The following RPTOR variants were observed in gnomAD, a reference collection of about 807,000 sequenced individuals.
RPTOR encodes the protein regulatory associated protein of MTOR complex 1.
Under a neutral mutation model 169.9 loss-of-function variants are expected in RPTOR, and 21 were observed. The observed-to-expected ratio is 0.12, with a 90% confidence interval of 0.09 to 0.18. The LOEUF (loss-of-function observed/expected upper bound fraction) is 0.18, where lower values mean the gene tolerates loss of function less well. Among genes scored for constraint, RPTOR ranks in the 10% least tolerant of loss-of-function variants. RPTOR has a pLI of 1.00. For synonymous variants in RPTOR, 732 were observed against 753.2 expected, an observed-to-expected ratio of 0.97 and a Z score of 0.46; for missense variants, 1,133 against 1,855.9, an observed-to-expected ratio of 0.61 and a Z score of 7.16.
intron 17 of RPTOR, among the ~76,000 whole-genome samples, chr17:80,888,058 A>T (rs1567968890): frequency 6.6e-6 from 1 of 151,776 alleles, no homozygotes; most frequent in Non-Finnish European, 1.5e-5. Context: ...ATGGGGGCTT[A>T]CTCCCTCCCT....
intron 3 of RPTOR, among the ~76,000 whole-genome samples, chr17:80,665,401 TCC>T (rs1567846095): frequency 0.094 from 769 of 8,168 alleles, 46 homozygotes; most frequent in African/African-American, 0.19. Flanking sequence ...TCCTTTCCTT[TCC>T]TTTCCTTTCC....
intron 2 of RPTOR, among the ~76,000 whole-genome samples, chr17:80,627,931 C>T (rs921335579): frequency 5.9e-5 from 9 of 151,874 alleles, no homozygotes; most frequent in Admixed American, 1.3e-4. Context: ...CTCTGCCTCC[C>T]GGGTTCAAGC....
Position 80,803,519 on chromosome 17 carries a change from G to A in RPTOR, c.890+12010G>A, listed in dbSNP as rs891340278. On this transcript the variant is annotated intron_variant, in intron 7 of 33. Transcript: ENST00000306801. The surrounding 1 kb of genome is among the most constrained non-coding windows in gnomAD (Gnocchi z 6.2). The stretch of plus-strand genomic sequence containing the variant: ...AAGGCCTCCCCGTTCTGATGTGCGT[G>A]TGTTGTCTTCTGACCTCGATGCCAG... 8 of 152,522 alleles carry A rather than the reference G, an allele frequency of 5.2e-5. No individual in the cohort carries two copies. In the East Asian group the frequency reaches 1.5e-3, roughly 29 times the overall value. The allele number at this position is 152,522 out of a possible 1,614,324, so 9.4% of individuals were successfully genotyped here.
intron 24 of RPTOR, among the ~76,000 whole-genome samples, chr17:80,928,459 T>C (rs2068838177): frequency 6.6e-6 from 1 of 152,128 alleles, no homozygotes; most frequent in Admixed American, 6.5e-5. Flanking sequence ...TGCTTCAAGG[T>C]ATATAAGAAA....
chr17:80,852,127 G>T (rs185410616), intron 11 of RPTOR, among the ~76,000 whole-genome samples: 3 of 152,282 alleles, frequency 2.0e-5, no homozygotes, highest in Admixed American at 2.0e-4. Flanking sequence ...ACACTATGAT[G>T]CTGACTTTAC....
chr17:80,743,872 C>G lies in RPTOR; in HGVS notation c.655-10138C>G, dbSNP rs796665480. Reference sequence around the variant, plus strand: ...ACTAGCAGAGCCCTGGCTACTAGCACAGCCCTGGCTACTAGCACTGTCCTG... The same window carrying G: ...ACTAGCAGAGCCCTGGCTACTAGCAGAGCCCTGGCTACTAGCACTGTCCTG... On this transcript the variant is annotated intron_variant, in intron 5 of 33. Transcript: ENST00000306801. Among the ~76,000 whole-genome samples the G allele has an allele frequency of 2.7e-3, 169 of 62,112 alleles. 23 individuals are homozygous for G. The highest frequency in any genetic ancestry group is 3.2e-3 in the African/African-American group (50 of 15,574). 40.7% of individuals were successfully genotyped at this position (62,112 alleles called of 152,430 possible).
chr17:80,708,862 G>A lies in RPTOR; in HGVS notation c.507+863G>A, dbSNP rs536514573. The A allele has an allele frequency of 1.2e-5, 11 of 889,140 alleles. No homozygotes were observed. Among genetic ancestry groups the A allele is most frequent in the Admixed American group, 6.2e-5 (1 of 16,184 alleles). The allele number at this position is 889,140 out of a possible 1,614,324, so 55.1% of individuals were successfully genotyped here. ...CACTGATTTGGAATCCAGCAAATCC[G>A]AGTCCCAGTTTCGGTTGTGCTGTCA... On this transcript the variant is annotated intron_variant, in intron 4 of 33. Coordinates refer to ENST00000306801, the MANE Select transcript of RPTOR (RefSeq NM_020761.3). This position sits in a 1 kb window ranked among gnomAD's most constrained non-coding sequence, Gnocchi z 4.2.
At chr17:80,616,974 T>C (rs1004950110) in intron 1 of RPTOR, among the ~76,000 whole-genome samples, 1 of 152,222 alleles carries the variant, frequency 6.6e-6, no homozygotes, top group African/African-American at 2.4e-5. Context: ...CGCAGGTTAT[T>C]TTCTATATCT....
intron 20 of RPTOR, among the ~76,000 whole-genome samples, chr17:80,894,708 T>C (rs1234903243): frequency 6.6e-6 from 1 of 152,210 alleles, no homozygotes; most frequent in African/African-American, 2.4e-5. Context: ...ATTTTTTTCA[T>C]GTTAAGGAGC....
chr17:80,781,522 C>A (rs544160981), intron 6 of RPTOR, among the ~76,000 whole-genome samples: 2 of 152,302 alleles, frequency 1.3e-5, no homozygotes, highest in Admixed American at 1.3e-4. Flanking sequence ...ACAGAACTTA[C>A]TCAAAAAGGG....
chr17:80,604,350 A>G (rs1042009583), intron 1 of RPTOR, among the ~76,000 whole-genome samples: 3 of 152,266 alleles, frequency 2.0e-5, no homozygotes, highest in Admixed American at 2.0e-4. Context: ...TGAGAACATC[A>G]TTGAATTACA....
At position 80,616,544 on chromosome 17, in the gene RPTOR, G is replaced by C. The variant is rs556050154; in HGVS notation, c.163-9147G>C. ...GAACTCCTGACCTCGTGATCTGCCTGCTTCGGCCTCCCGACGTGCAGGGAT... is the reference window on the plus strand; with the variant it reads ...GAACTCCTGACCTCGTGATCTGCCTCCTTCGGCCTCCCGACGTGCAGGGAT... On this transcript the variant is annotated intron_variant, in intron 1 of 33. Coordinates refer to ENST00000306801, the MANE Select transcript of RPTOR (RefSeq NM_020761.3). Among the ~76,000 whole-genome samples, 167 of 152,288 alleles carry C rather than the reference G, an allele frequency of 1.1e-3. 7 individuals are homozygous for C. Among genetic ancestry groups the C allele is most frequent in the Non-Finnish European group, 8.7e-4 (59 of 68,022 alleles).
chr17:80,640,386 T>C (rs2065543632), intron 2 of RPTOR, among the ~76,000 whole-genome samples: 1 of 152,266 alleles, frequency 6.6e-6, no homozygotes, highest in Non-Finnish European at 1.5e-5. Flanking sequence ...AAATGCTAAA[T>C]GCATCGTTTC....
Position 80,708,299 on chromosome 17 carries a change from T to C in RPTOR, c.507+300T>C, listed in dbSNP as rs2066156628. Among the ~76,000 whole-genome samples, 1 of 152,228 alleles carries C rather than the reference T, an allele frequency of 6.6e-6. No homozygotes were observed. Among genetic ancestry groups the C allele is most frequent in the Admixed American group, 6.5e-5 (1 of 15,288 alleles). ...AGGACAGACCTCGAGAGTGTCTGCC[T>C]TCTAGTTTGAAAAAATTGCACAATT... On this transcript the variant is annotated intron_variant, in intron 4 of 33. Transcript: ENST00000306801. The surrounding 1 kb of genome is among the most constrained non-coding windows in gnomAD (Gnocchi z 4.2).
intron 1 of RPTOR, among the ~76,000 whole-genome samples, chr17:80,574,574 T>A (rs2064942989): frequency 6.6e-6 from 1 of 152,130 alleles, no homozygotes; most frequent in Admixed American, 6.5e-5. Flanking sequence ...TGTAACATCC[T>A]CTTGTGATCT....
intron 20 of RPTOR, among the ~76,000 whole-genome samples, chr17:80,906,832 ATCAC>A (rs1567980312): frequency 1.3e-5 from 2 of 151,828 alleles, no homozygotes; most frequent in Admixed American, 6.6e-5. Flanking sequence ...CCTGGAGACA[ATCAC>A]TCACTGCAAC....
At chr17:80,880,101 G>C (rs545847149) in intron 13 of RPTOR, among the ~76,000 whole-genome samples, 13 of 152,132 alleles carry the variant, frequency 8.5e-5, no homozygotes, top group African/African-American at 2.9e-4. Flanking sequence ...GGGAGGGAGC[G>C]GGACCCCTGG....
rs1170515704 is a variant in RPTOR, at chr17:80,712,902, A to G, written c.507+4903A>G. Among the ~76,000 whole-genome samples the G allele has an allele frequency of 2.0e-5, 3 of 152,084 alleles. No homozygotes were observed. The East Asian group carries it at 5.8e-4, about 29-fold the overall frequency. ...GGATCTTATTGTTATTTCATTTTCAATTTCGTAATGATGTGAAATTGGGCG... is the reference window on the plus strand; with the variant it reads ...GGATCTTATTGTTATTTCATTTTCAGTTTCGTAATGATGTGAAATTGGGCG... On this transcript the variant is annotated intron_variant, in intron 4 of 33. Coordinates refer to ENST00000306801, the MANE Select transcript of RPTOR (RefSeq NM_020761.3).
intron 21 of RPTOR, among the ~76,000 whole-genome samples, chr17:80,910,938 C>A (rs1196037722): frequency 6.6e-6 from 1 of 151,370 alleles, no homozygotes. Flanking sequence ...TCAAGCAGTT[C>A]TGCTGCCTCA....
Sources: gnomAD v4.1 joint callset for allele counts (sites outside exome capture counted in the v4.1 genomes callset) on GRCh38, gnomAD v4.1.1 for gene constraint, Gnocchi (gnomAD v3.1) non-coding constraint, MANE v1.5 for transcripts, NCBI Gene and HGNC (gene_info 2026-07-23, HGNC 2026-07-21) for gene names.